The following INPP5F variants were observed in gnomAD, a reference collection of about 807,000 sequenced individuals.
The protein encoded by INPP5F is phosphatidylinositide 4-phosphatase SAC2.
Under a neutral mutation model 137.2 loss-of-function variants are expected in INPP5F, and 97 were observed. The ratio of observed to expected loss-of-function variants is 0.71; its 90% CI spans 0.60 to 0.84. The LOEUF (loss-of-function observed/expected upper bound fraction) is 0.84. INPP5F is among the 40% of genes least tolerant of loss of function. The pLI is 0.00. For missense variants in INPP5F, 1,271 were observed against 1,371.9 expected (o/e 0.93, Z 1.16); for synonymous variants, 504 against 476.9 (o/e 1.06, Z -0.74).
intron 3 of INPP5F, among the ~76,000 whole-genome samples, chr10:119,789,572 G>T (rs1485854761): frequency 6.6e-6 from 1 of 152,090 alleles, no homozygotes; most frequent in Admixed American, 6.6e-5. Context: ...TAAGGCACTG[G>T]AGGTAGGAGT....
intron 2 of INPP5F, among the ~76,000 whole-genome samples, chr10:119,779,407 T>A (rs918162088): frequency 2.0e-5 from 3 of 151,698 alleles, no homozygotes; most frequent in African/African-American, 4.9e-5. Context: ...TTTTTAAAAA[T>A]TTTTTTGGGT....
intron 15 of INPP5F, among the ~76,000 whole-genome samples, chr10:119,813,155 C>T (rs1209185342): frequency 1.3e-5 from 2 of 152,118 alleles, no homozygotes; most frequent in African/African-American, 2.4e-5. Context: ...TCACATTACA[C>T]TTGATGATTT....
chr10:119,797,671 G>A (rs1850433827), intron 8 of INPP5F, 31 bp downstream of exon 8: 3 of 1,529,296 alleles, frequency 2.0e-6, no homozygotes, highest in South Asian at 2.5e-5. Flanking sequence ...GTTTGCAAAT[G>A]ATGATTTCAG....
intron 2 of INPP5F, among the ~76,000 whole-genome samples, chr10:119,754,136 A>T (rs1202884901): frequency 6.6e-6 from 1 of 152,216 alleles, no homozygotes; most frequent in African/African-American, 2.4e-5. Context: ...TCCACGTTAG[A>T]CTTCTAGGTA....
At chr10:119,783,113 C>G (rs1003087434) in intron 3 of INPP5F, among the ~76,000 whole-genome samples, 1 of 152,078 alleles carries the variant, frequency 6.6e-6, no homozygotes, top group African/African-American at 2.4e-5. Flanking sequence ...TATTGCTGAT[C>G]GAGAGACAAA....
intron 13 of INPP5F, among the ~76,000 whole-genome samples, chr10:119,808,604 C>G (rs1037052555): frequency 3.9e-5 from 6 of 152,132 alleles, no homozygotes; most frequent in Non-Finnish European, 8.8e-5. Flanking sequence ...CACGTAAATG[C>G]GGAAGAAATG....
At chr10:119,776,116 A>G (rs1217733936) in intron 2 of INPP5F, among the ~76,000 whole-genome samples, 3 of 152,188 alleles carry the variant, frequency 2.0e-5, no homozygotes, top group African/African-American at 7.2e-5. Flanking sequence ...ACAAGAAGCA[A>G]ATGATGGAGC....
chr10:119,807,219 G>A (rs1850829834), intron 12 of INPP5F, among the ~76,000 whole-genome samples: 1 of 152,136 alleles, frequency 6.6e-6, no homozygotes, highest in South Asian at 2.1e-4. Context: ...GTTGTAGTGA[G>A]CCCAGATCGT....
intron 15 of INPP5F, among the ~76,000 whole-genome samples, chr10:119,816,809 G>A (rs1851297885): frequency 6.6e-6 from 1 of 152,114 alleles, no homozygotes; most frequent in Non-Finnish European, 1.5e-5. Context: ...ATCCACTCCT[G>A]GAATATGTGT....
chr10:119,770,534 A>AT (rs1270806413), intron 2 of INPP5F, among the ~76,000 whole-genome samples: 1 of 152,240 alleles, frequency 6.6e-6, no homozygotes, highest in Admixed American at 6.5e-5. Flanking sequence ...CAATATGCAC[A>AT]TTCCTGCCGG....
rs34766804 is a variant in INPP5F at position 119,775,666 on chromosome 10, G to GA, written c.179-5958dup. Among the ~76,000 whole-genome samples the GA allele has an allele frequency of 3.4e-4, 51 of 149,176 alleles. 1 individual carries two copies. Among genetic ancestry groups the GA allele is most frequent in the African/African-American group, 8.1e-4 (33 of 40,512 alleles). ...TTTAAAGACAAGTACAGAGTCATTGGAAAAAAAAAAAGTTGAACATCATAG... is the reference window on the plus strand; with the variant it reads ...TTTAAAGACAAGTACAGAGTCATTGGAAAAAAAAAAAAGTTGAACATCATAG... On this transcript the variant is annotated intron_variant, in intron 2 of 19. Coordinates refer to ENST00000650623, the MANE Select transcript of INPP5F (RefSeq NM_014937.4).
chr10:119,749,786 A>G (rs895916897), intron 1 of INPP5F, among the ~76,000 whole-genome samples: 1 of 152,188 alleles, frequency 6.6e-6, no homozygotes, highest in Non-Finnish European at 1.5e-5. Context: ...ATTTTGCTTT[A>G]ATTCTTGCAA....
intron 1 of INPP5F, among the ~76,000 whole-genome samples, chr10:119,732,556 A>G (rs992300328): frequency 3.6e-5 from 5 of 139,482 alleles, no homozygotes; most frequent in African/African-American, 1.4e-4. Context: ...CTGGAGTACA[A>G]TGGCATGATC....
intron 1 of INPP5F, among the ~76,000 whole-genome samples, chr10:119,750,162 A>G (rs1377311182): frequency 6.6e-6 from 1 of 152,270 alleles, no homozygotes; most frequent in East Asian, 1.9e-4. Flanking sequence ...TTTGGAGGCT[A>G]AACTATTAAG....
intron 15 of INPP5F, chr10:119,819,462 G>A (rs1395713676): frequency 6.3e-7 from 1 of 1,585,860 alleles, no homozygotes; most frequent in African/African-American, 1.3e-5. Flanking sequence ...GTAATTAGTA[G>A]TAGAATTTAT....
At chr10:119,756,734 G>A (rs1370100245) in intron 2 of INPP5F, among the ~76,000 whole-genome samples, 1 of 152,136 alleles carries the variant, frequency 6.6e-6, no homozygotes, top group Non-Finnish European at 1.5e-5. Flanking sequence ...CAACACATTA[G>A]TAGCGTTAGT....
intron 2 of INPP5F, among the ~76,000 whole-genome samples, chr10:119,753,520 G>T (rs578232242): frequency 1.3e-5 from 2 of 152,172 alleles, no homozygotes; most frequent in Non-Finnish European, 2.9e-5. Flanking sequence ...GAGTTTGCCT[G>T]GGTGGTCTTA....
chr10:119,797,004 T>C, intron 7 of INPP5F, 91 bp downstream of exon 7: 1 of 1,249,606 alleles, frequency 8.0e-7, no homozygotes, highest in Non-Finnish European at 1.1e-6. Flanking sequence ...CAATAATGGA[T>C]TTGGGAACAC....
intron 9 of INPP5F, among the ~76,000 whole-genome samples, chr10:119,803,380 A>G (rs185562605): frequency 8.5e-5 from 13 of 152,330 alleles, no homozygotes; most frequent in African/African-American, 3.1e-4. Flanking sequence ...TCCCAGTATC[A>G]TTTATAGACT....
Sources: gnomAD v4.1 joint callset for allele counts (sites outside exome capture counted in the v4.1 genomes callset) on GRCh38, gnomAD v4.1.1 for gene constraint, MANE v1.5 for transcripts, NCBI Gene and HGNC (gene_info 2026-07-23, HGNC 2026-07-21) for gene names.